The following PTCHD4 variants were observed in gnomAD, a reference collection of about 807,000 sequenced individuals.
PTCHD4 encodes the protein patched domain containing 4, also known as patched domain-containing protein 4.
Under a neutral mutation model 58.1 loss-of-function variants are expected in PTCHD4, and 33 were observed. The observed-to-expected ratio is 0.57, with a 90% CI of 0.43 to 0.76. PTCHD4 has a LOEUF of 0.76. PTCHD4 is among the 30% of genes least tolerant of loss of function. PTCHD4 has a pLI of 0.00. For missense variants in PTCHD4, 1,058 were observed against 1,027.1 expected, an observed-to-expected ratio of 1.03 and a Z score of -0.41; for synonymous variants, 478 against 409.6, an observed-to-expected ratio of 1.17 and a Z score of -2.02.
chr6:47,877,679 T>TTATATAAATTTGGCTAAGG lies in PTCHD4; in HGVS notation c.*623_*624insCCTTAGCCAAATTTATATA, dbSNP rs1363722264. On this transcript the variant is annotated 3_prime_UTR_variant, in exon 5 of 5. Coordinates refer to ENST00000339488, the MANE Select transcript of PTCHD4 (RefSeq NM_001384253.1). The stretch of plus-strand genomic sequence containing the variant: ...AATCTATAAATTTGGCTAAGGTTGA[T>TTATATAAATTTGGCTAAGG]TTGACTTTCTAGGGAAAAGCCAGCC... Among the ~76,000 whole-genome samples, 3 of 152,030 alleles carry TTATATAAATTTGGCTAAGG rather than the reference T, an allele frequency of 2.0e-5. No homozygotes were observed. The highest frequency in any genetic ancestry group is 4.8e-5 in the African/African-American group (2 of 41,406).
At chr6:47,903,521 C>T (rs2114151606) in intron 4 of PTCHD4, among the ~76,000 whole-genome samples, 1 of 152,166 alleles carries the variant, frequency 6.6e-6, no homozygotes, top group Admixed American at 6.5e-5. Context: ...TACCATGTTG[C>T]CTAGGCTAGT....
intron 4 of PTCHD4, among the ~76,000 whole-genome samples, chr6:47,990,542 T>C (rs1689442294): frequency 6.6e-6 from 1 of 152,110 alleles, no homozygotes; most frequent in Non-Finnish European, 1.5e-5. Context: ...GATCTGATGG[T>C]TTTATCAGGG....
intron 1 of PTCHD4, among the ~76,000 whole-genome samples, chr6:48,109,351 A>G (rs976210071): frequency 5.3e-5 from 8 of 152,128 alleles, no homozygotes; most frequent in Non-Finnish European, 1.0e-4. Flanking sequence ...AAAATCATCA[A>G]ATTAAATTTC....
At chr6:47,918,108 AT>A (rs908737242) in intron 4 of PTCHD4, among the ~76,000 whole-genome samples, 86 of 152,036 alleles carry the variant, frequency 5.7e-4, no homozygotes, top group African/African-American at 2.0e-3. Context: ...AAATCCTAGG[AT>A]TTTTTTTAAC....
At chr6:48,037,213 T>C (rs1763670723) in intron 3 of PTCHD4, among the ~76,000 whole-genome samples, 1 of 152,194 alleles carries the variant, frequency 6.6e-6, no homozygotes. Context: ...TCAAAGCTTT[T>C]ACTACAGTAT....
At chr6:48,066,282 T>C (rs1764794254) in intron 3 of PTCHD4, among the ~76,000 whole-genome samples, 1 of 152,124 alleles carries the variant, frequency 6.6e-6, no homozygotes, top group African/African-American at 2.4e-5. Flanking sequence ...ACCTCAGGGA[T>C]TTTATACTGT....
At chr6:47,953,316 T>A (rs1386339117) in intron 4 of PTCHD4, among the ~76,000 whole-genome samples, 1 of 152,154 alleles carries the variant, frequency 6.6e-6, no homozygotes, top group Non-Finnish European at 1.5e-5. Context: ...TTAACCACCT[T>A]GCTTTGTGGG....
In PTCHD4 at chr6:47,878,083, T is replaced by A; in HGVS notation, c.*220A>T. On this transcript the variant is annotated 3_prime_UTR_variant, in exon 5 of 5. Coordinates refer to ENST00000339488, the MANE Select transcript of PTCHD4 (RefSeq NM_001384253.1). ...AGCTCTCAGATTACATCCAGAAACT[T>A]GTTTTTAGAGGAGAACAAGGTTGCA... 1 of 427,050 alleles carries A rather than the reference T, an allele frequency of 2.3e-6. No homozygotes were observed. The highest frequency in any genetic ancestry group is 3.6e-5 in the East Asian group (1 of 27,842). 26.5% of individuals were successfully genotyped at this position (427,050 alleles called of 1,614,324 possible).
At position 47,870,307 on chromosome 6, in the gene PTCHD4, A is replaced by G. The variant is rs1763680996; in HGVS notation, c.*7996T>C. On this transcript the variant is annotated 3_prime_UTR_variant, in exon 5 of 5. Transcript: ENST00000339488. ...TTGTCATGCAGATAAATTATGAGCA[A>G]TTTAACTAAAATTATTGTATTTCAG... Among the ~76,000 whole-genome samples, 1 of 151,630 alleles carries G rather than the reference A, an allele frequency of 6.6e-6. No homozygotes were observed. Among genetic ancestry groups the G allele is most frequent in the African/African-American group, 2.4e-5 (1 of 41,380 alleles).
intron 4 of PTCHD4, among the ~76,000 whole-genome samples, chr6:47,993,185 C>T (rs982331898): frequency 6.6e-6 from 1 of 152,092 alleles, no homozygotes; most frequent in African/African-American, 2.4e-5. Flanking sequence ...AAATAGCCAC[C>T]ATGACCTAAA....
At chr6:47,954,265 A>G (rs1353439390) in intron 4 of PTCHD4, among the ~76,000 whole-genome samples, 1 of 152,146 alleles carries the variant, frequency 6.6e-6, no homozygotes, top group East Asian at 1.9e-4. Context: ...GCTGAGGCAC[A>G]AGAATCACTT....
At chr6:48,019,811 T>A (rs1183993304) in intron 3 of PTCHD4, among the ~76,000 whole-genome samples, 1 of 152,110 alleles carries the variant, frequency 6.6e-6, no homozygotes, top group Non-Finnish European at 1.5e-5. Flanking sequence ...TGAGAAGGAA[T>A]CGCCTAACTT....
At chr6:47,943,026 G>T (rs1329168395) in intron 4 of PTCHD4, among the ~76,000 whole-genome samples, 2 of 152,158 alleles carry the variant, frequency 1.3e-5, no homozygotes, top group Non-Finnish European at 2.9e-5. Context: ...TGAGAAACTT[G>T]TTCTAGTTAA....
chr6:48,039,372 C>G (rs626935), intron 3 of PTCHD4, among the ~76,000 whole-genome samples: 121,330 of 152,014 alleles, frequency 0.8, 48,451 homozygotes, highest in Middle Eastern at 0.85. Flanking sequence ...CAATGCTTAT[C>G]TGAAAAAACT....
At chr6:48,107,524 C>G (rs911750941) in intron 1 of PTCHD4, among the ~76,000 whole-genome samples, 6 of 152,046 alleles carry the variant, frequency 3.9e-5, no homozygotes, top group African/African-American at 1.4e-4. Context: ...CAATACCATT[C>G]AGGACATAGG....
chr6:47,988,335 T>G (rs1485745608), intron 4 of PTCHD4, among the ~76,000 whole-genome samples: 1 of 152,074 alleles, frequency 6.6e-6, no homozygotes, highest in Non-Finnish European at 1.5e-5. Flanking sequence ...CCCATACAAT[T>G]TTTTGCAAAA....
Position 48,050,866 on chromosome 6 carries a change from T to A in PTCHD4, c.417+17364A>T, listed in dbSNP as rs764012543. Among the ~76,000 whole-genome samples, 143 of 152,172 alleles carry A rather than the reference T, an allele frequency of 9.4e-4. 1 individual carries two copies. The highest frequency in any genetic ancestry group is 1.5e-3 in the Non-Finnish European group (103 of 67,970). On this transcript the variant is annotated intron_variant, in intron 3 of 4. Transcript: ENST00000339488. The stretch of plus-strand genomic sequence containing the variant: ...GATAACTAAAACAAAAGTGCTGTCA[T>A]AGGACAGTCAGATAACAATATCTAG...
At chr6:47,881,758 G>GT (rs1311496512) in intron 4 of PTCHD4, among the ~76,000 whole-genome samples, 5 of 152,158 alleles carry the variant, frequency 3.3e-5, no homozygotes, top group Non-Finnish European at 7.4e-5. Flanking sequence ...ACTTTTGGTA[G>GT]TTTTTATCAA....
intron 1 of PTCHD4, among the ~76,000 whole-genome samples, chr6:48,088,260 T>C (rs1765299696): frequency 6.6e-6 from 1 of 152,180 alleles, no homozygotes; most frequent in African/African-American, 2.4e-5. Flanking sequence ...GTGGGTCCCC[T>C]AAATCAGAAC....
Sources: gnomAD v4.1 joint callset for allele counts (sites outside exome capture counted in the v4.1 genomes callset) on GRCh38, gnomAD v4.1.1 for gene constraint, MANE v1.5 for transcripts, NCBI Gene and HGNC (gene_info 2026-07-23, HGNC 2026-07-21) for gene names.